Variants in UNC5C observed in about 807,000 individuals in gnomAD.
UNC5C encodes unc-5 netrin receptor C, also known as netrin receptor UNC5C.
In UNC5C, 47 loss-of-function variants were observed where a neutral mutation model predicts 99.8. The ratio of observed to expected loss-of-function variants is 0.47; its 90% confidence interval spans 0.37 to 0.60. The LOEUF is 0.60. Among genes scored for constraint, UNC5C ranks in the 20% least tolerant of loss-of-function variants. The pLI is 0.00. For missense variants in UNC5C, 1,062 were observed against 1,165.9 expected, an observed-to-expected ratio of 0.91 and a Z score of 1.30; for synonymous variants, 487 against 452.2, an observed-to-expected ratio of 1.08 and a Z score of -0.98.
At chr4:95,252,413 C>A (rs1435504685) in intron 4 of UNC5C, among the ~76,000 whole-genome samples, 1 of 152,146 alleles carries the variant, frequency 6.6e-6, no homozygotes, top group African/African-American at 2.4e-5. Context: ...AGTACTCATA[C>A]CTGGCCCTCT....
At chr4:95,445,586 T>A (rs1560835541) in intron 1 of UNC5C, among the ~76,000 whole-genome samples, 1 of 152,228 alleles carries the variant, frequency 6.6e-6, no homozygotes, top group Middle Eastern at 3.4e-3. Context: ...AAGCAACAAA[T>A]CGGTAAATAT....
intron 13 of UNC5C, among the ~76,000 whole-genome samples, chr4:95,183,359 A>G (rs1736694043): frequency 6.7e-6 from 1 of 149,992 alleles, no homozygotes. Context: ...CTAATTTACA[A>G]CAACAGGAAC....
chr4:95,358,687 T>G (rs1453630518), intron 1 of UNC5C, among the ~76,000 whole-genome samples: 1 of 152,208 alleles, frequency 6.6e-6, no homozygotes, highest in East Asian at 1.9e-4. Context: ...CCCTCATAAC[T>G]AATTAAATCT....
At chr4:95,487,767 A>G (rs1721367438) in intron 1 of UNC5C, among the ~76,000 whole-genome samples, 1 of 151,732 alleles carries the variant, frequency 6.6e-6, no homozygotes, top group African/African-American at 2.4e-5. Flanking sequence ...TTAGAACAGG[A>G]AGTTACTCTG....
chr4:95,175,202 G>T (rs1329717607), intron 14 of UNC5C, among the ~76,000 whole-genome samples: 1 of 149,680 alleles, frequency 6.7e-6, no homozygotes, highest in Non-Finnish European at 1.5e-5. Flanking sequence ...TATCCAATTT[G>T]CCAGTCTGTG....
intron 1 of UNC5C, among the ~76,000 whole-genome samples, chr4:95,508,690 A>T (rs987320536): frequency 1.3e-5 from 2 of 151,972 alleles, no homozygotes; most frequent in South Asian, 4.1e-4. Context: ...AAAAAACCAG[A>T]TCAGCATTTG....
chr4:95,464,612 G>A (rs116443939), intron 1 of UNC5C, among the ~76,000 whole-genome samples: 2,245 of 152,190 alleles, frequency 0.015, 50 homozygotes, highest in African/African-American at 0.051. Flanking sequence ...ACATTTTACC[G>A]ATGATAATTT....
At chr4:95,252,146 C>G (rs758466679) in intron 4 of UNC5C, among the ~76,000 whole-genome samples, 7 of 152,294 alleles carry the variant, frequency 4.6e-5, no homozygotes, top group Non-Finnish European at 8.8e-5. Flanking sequence ...TGGATTTTCT[C>G]AACGTTTCAC....
rs139640510 is a variant in UNC5C at position 95,370,893 on chromosome 4, T to G, written c.125-35262A>C. 3.1e-3 allele frequency among the ~76,000 whole-genome samples: 467 copies of G among 152,310 alleles called. 4 individuals carry two copies. Among genetic ancestry groups the G allele is most frequent in the African/African-American group, 0.011 (450 of 41,572 alleles). On this transcript the variant is annotated intron_variant, in intron 1 of 15. Coordinates refer to ENST00000453304, the MANE Select transcript of UNC5C (RefSeq NM_003728.4). The stretch of plus-strand genomic sequence containing the variant: ...ATACGTAGTTCAAAGTGGTCATTCG[T>G]TTTTCTAATAAGTAAGCGGTCTGTA...
chr4:95,328,062 A>ATTTTTT (rs71583698), intron 2 of UNC5C, among the ~76,000 whole-genome samples: 17 of 86,644 alleles, frequency 2.0e-4, no homozygotes, highest in East Asian at 5.4e-4. Flanking sequence ...TTTTTTTTTA[A>ATTTTTT]TTTTTTTTTT....
intron 10 of UNC5C, among the ~76,000 whole-genome samples, chr4:95,212,990 G>A (rs957238432): frequency 6.6e-6 from 1 of 152,154 alleles, no homozygotes; most frequent in African/African-American, 2.4e-5. Flanking sequence ...AGCCTTCTGG[G>A]CGAGTCCTTC....
At chr4:95,444,616 G>C (rs546189822) in intron 1 of UNC5C, among the ~76,000 whole-genome samples, 6 of 152,230 alleles carry the variant, frequency 3.9e-5, no homozygotes, top group Admixed American at 1.3e-4. Context: ...CAGGCGTGAG[G>C]CACCGCGCCG....
At chr4:95,449,267 C>A (rs891792803) in intron 1 of UNC5C, among the ~76,000 whole-genome samples, 1 of 152,172 alleles carries the variant, frequency 6.6e-6, no homozygotes, top group Non-Finnish European at 1.5e-5. Context: ...TATGTACATG[C>A]TTGGTACGCA....
chr4:95,354,945 C>T (rs1299464854), intron 1 of UNC5C, among the ~76,000 whole-genome samples: 5 of 152,100 alleles, frequency 3.3e-5, no homozygotes, highest in Non-Finnish European at 7.4e-5. Context: ...AACTAGCTGG[C>T]TGTTATGCAT....
chr4:95,336,444 C>T (rs1743341111), intron 1 of UNC5C, among the ~76,000 whole-genome samples: 1 of 151,762 alleles, frequency 6.6e-6, no homozygotes, highest in African/African-American at 2.4e-5. Context: ...ACTCTGATGT[C>T]AAAATTAAAA....
chr4:95,511,217 C>T (rs1483495906), intron 1 of UNC5C, among the ~76,000 whole-genome samples: 1 of 152,054 alleles, frequency 6.6e-6, no homozygotes, highest in African/African-American at 2.4e-5. Context: ...GAAGACAAAC[C>T]TAAGCACCAC....
chr4:95,370,162 A>C (rs1422387484), intron 1 of UNC5C, among the ~76,000 whole-genome samples: 2 of 152,304 alleles, frequency 1.3e-5, no homozygotes, highest in African/African-American at 4.8e-5. Flanking sequence ...TTAAATGTAA[A>C]TATGATTAAA....
At chr4:95,179,409 C>CTTAA (rs1217390640) in intron 14 of UNC5C, among the ~76,000 whole-genome samples, 1 of 152,174 alleles carries the variant, frequency 6.6e-6, no homozygotes, top group African/African-American at 2.4e-5. Flanking sequence ...AAATATAAAA[C>CTTAA]TTAATTATAA....
chr4:95,180,095 A>G (rs1234570612), intron 14 of UNC5C, among the ~76,000 whole-genome samples: 2 of 152,172 alleles, frequency 1.3e-5, no homozygotes, highest in African/African-American at 4.8e-5. Context: ...GTGAACATAG[A>G]TTAAGCATGT....
Sources: gnomAD v4.1 joint callset for allele counts (sites outside exome capture counted in the v4.1 genomes callset) on GRCh38, gnomAD v4.1.1 for gene constraint, MANE v1.5 for transcripts, NCBI Gene and HGNC (gene_info 2026-07-23, HGNC 2026-07-21) for gene names.